The following KANK1 variants were observed in gnomAD, a reference collection of about 807,000 sequenced individuals.
KANK1 encodes KN motif and ankyrin repeat domains 1, also known as KN motif and ankyrin repeat domain-containing protein 1.
In KANK1, 109 loss-of-function variants were observed where a neutral mutation model predicts 106.2. The observed-to-expected ratio is 1.03, with a 90% CI of 0.88 to 1.20. The LOEUF (loss-of-function observed/expected upper bound fraction) is 1.20, where lower values mean the gene tolerates loss of function less well. KANK1 is among the 50% of genes most tolerant of loss of function. The probability of loss-of-function intolerance (pLI) is 0.00; values close to 1 mark genes in which losing one functional copy is unlikely to be tolerated. For synonymous variants in KANK1, 873 were observed against 652.2 expected (o/e 1.34, Z -5.16); for missense variants, 2,399 against 1,710.7 (o/e 1.40, Z -7.10).
At chr9:607,649 G>C (rs927612949) in intron 1 of KANK1, among the ~76,000 whole-genome samples, 1 of 151,634 alleles carries the variant, frequency 6.6e-6, no homozygotes, top group African/African-American at 2.4e-5. Flanking sequence ...AGTCCAGGAC[G>C]GCTAGCCTTG....
At chr9:556,524 A>G (rs753215875) in intron 1 of KANK1, among the ~76,000 whole-genome samples, 3 of 152,224 alleles carry the variant, frequency 2.0e-5, no homozygotes, top group Non-Finnish European at 4.4e-5. Context: ...TGAAACTAAA[A>G]TTTGAGGAAT....
At chr9:628,169 T>C (rs577421135) in intron 1 of KANK1, among the ~76,000 whole-genome samples, 15 of 152,296 alleles carry the variant, frequency 9.8e-5, no homozygotes, top group African/African-American at 3.6e-4. Flanking sequence ...ACTCTTGAAG[T>C]CCGAAAACAA....
chr9:744,257 A>G (rs560481438), intron 10 of KANK1, among the ~76,000 whole-genome samples: 5 of 152,326 alleles, frequency 3.3e-5, no homozygotes, highest in African/African-American at 1.2e-4. Flanking sequence ...AGAATGGTTG[A>G]GTAAGATAAT....
intron 1 of KANK1, among the ~76,000 whole-genome samples, chr9:579,248 T>C (rs925501780): frequency 1.5e-4 from 22 of 151,540 alleles, no homozygotes; most frequent in African/African-American, 5.3e-4. Flanking sequence ...TGGGCTCCCG[T>C]AGCACAGCTG....
chr9:721,182 T>C (rs2131326116), intron 3 of KANK1, among the ~76,000 whole-genome samples: 1 of 152,316 alleles, frequency 6.6e-6, no homozygotes, highest in East Asian at 1.9e-4. Context: ...TTGGAAAAAC[T>C]GACCTCCCTC....
At chr9:667,747 GT>G (rs200088017) in intron 1 of KANK1, among the ~76,000 whole-genome samples, 12 of 134,002 alleles carry the variant, frequency 9.0e-5, no homozygotes, top group South Asian at 2.3e-4. Flanking sequence ...TTTTTGTTTT[GT>G]TTTTTTTTTT....
intron 1 of KANK1, among the ~76,000 whole-genome samples, chr9:608,083 T>C (rs2136063654): frequency 7.0e-6 from 1 of 141,944 alleles, no homozygotes; most frequent in East Asian, 2.0e-4. Flanking sequence ...CAGGCCGGAC[T>C]GCGGACTGCA....
At position 712,950 on chromosome 9, in the gene KANK1, C is replaced by G; in HGVS notation, c.2184C>G (p.Asn728Lys). Residue 728 changes from asparagine (N) to lysine (K), a missense_variant, in exon 3 of 12, where the codon AAC (asparagine) becomes AAG (lysine). Physicochemically the swap from Asn to Lys is moderately conservative, Grantham distance 94. Coordinates refer to ENST00000382297, the MANE Select transcript of KANK1 (RefSeq NM_015158.5). ...GAGAAGGCCGTGTCAAGGACATCAA[C>G]TCCTCCACCAAGACGCGGTCCATTG... ...AVGEGRVKDI[N>K]SSTKTRSIGV... 2 of 1,614,228 alleles carry G rather than the reference C, an allele frequency of 1.2e-6. No homozygotes were observed. The highest frequency in any genetic ancestry group is 1.7e-6 in the Non-Finnish European group (2 of 1,180,044).
intron 1 of KANK1, among the ~76,000 whole-genome samples, chr9:538,595 C>G (rs746182912): frequency 2.0e-5 from 3 of 152,180 alleles, no homozygotes. Flanking sequence ...GAGGTTCCTT[C>G]AAACAGGTGG....
In KANK1 at chr9:734,801, T is replaced by C. The variant is rs1416304998; in HGVS notation, c.3299T>C (p.Ile1100Thr). Residue 1100 changes from isoleucine (I) to threonine (T), a missense_variant, in exon 7 of 12, where the codon ATA becomes ACA. By Grantham distance (89) the Ile-to-Thr change is moderately conservative. Coordinates refer to ENST00000382297, the MANE Select transcript of KANK1 (RefSeq NM_015158.5). The part of the protein sequence containing the change: ...LSACNLLKNT[I>T]NDPKALTSKD... ...GCATGCAACTTACTGAAAAATACTA[T>C]AAATGACCCCAAAGCTTTGACCAGC... 1 of 1,613,902 alleles carries C rather than the reference T, an allele frequency of 6.2e-7. No homozygotes were observed. Among genetic ancestry groups the C allele is most frequent in the Non-Finnish European group, 8.5e-7 (1 of 1,179,724 alleles).
At chr9:661,254 C>G (rs1843237825) in intron 1 of KANK1, among the ~76,000 whole-genome samples, 1 of 151,572 alleles carries the variant, frequency 6.6e-6, no homozygotes, top group Non-Finnish European at 1.5e-5. Context: ...AGGTATTTCT[C>G]TTAATGCTAT....
At chr9:488,714 C>G (rs968933800) in intron 3 of KANK1, among the ~76,000 whole-genome samples, 6 of 152,134 alleles carry the variant, frequency 3.9e-5, no homozygotes, top group African/African-American at 1.4e-4. Flanking sequence ...ATGACTGTCA[C>G]TTTGATTTGG....
chr9:674,286 G>A (rs1402700729), intron 1 of KANK1: 1 of 151,924 alleles, frequency 6.6e-6, no homozygotes, highest in Admixed American at 6.6e-5. Context: ...TCAGCAGGGA[G>A]TGGATGGTTT....
At chr9:710,782 T>C (rs1564031582) in intron 2 of KANK1, 22 bp from the exon 3 acceptor site, 4 of 1,548,680 alleles carry the variant, frequency 2.6e-6, no homozygotes, top group Non-Finnish European at 3.5e-6. Context: ...GTCATTATAA[T>C]ATTCTTTTCT....
At chr9:604,676 C>G (rs1421809938) in intron 1 of KANK1, among the ~76,000 whole-genome samples, 1 of 151,592 alleles carries the variant, frequency 6.6e-6, no homozygotes, top group African/African-American at 2.4e-5. Context: ...ACTGAAAAAA[C>G]AAAAATTAGC....
chr9:700,821 C>T lies in KANK1; in HGVS notation c.38-9983C>T, dbSNP rs60858743. Among the ~76,000 whole-genome samples, 1,268 of 152,290 alleles carry T rather than the reference C, an allele frequency of 8.3e-3. 7 individuals are homozygous for T. Among genetic ancestry groups the T allele is most frequent in the African/African-American group, 0.028 (1,158 of 41,548 alleles). ...GTGGCACAGGGGTGTAATTATTTTT[C>T]ACAGCACCGTCAGTCAGTAACTGGG... is the stretch of plus-strand genomic sequence containing the variant. On this transcript the variant is annotated intron_variant, in intron 2 of 11. Transcript: ENST00000382297.
At chr9:524,435 A>G (rs1335034022) in intron 1 of KANK1, among the ~76,000 whole-genome samples, 1 of 151,670 alleles carries the variant, frequency 6.6e-6, no homozygotes, top group East Asian at 1.9e-4. Context: ...AGATTTGTTT[A>G]TCTTAGCTTA....
chr9:702,757 G>C (rs1823008022), intron 2 of KANK1, among the ~76,000 whole-genome samples: 1 of 152,014 alleles, frequency 6.6e-6, no homozygotes, highest in South Asian at 2.1e-4. Flanking sequence ...AACTTGCCCT[G>C]CTCCAGGATG....
chr9:528,805 AT>A (rs199519060), intron 1 of KANK1, among the ~76,000 whole-genome samples: 87 of 150,110 alleles, frequency 5.8e-4, no homozygotes, highest in African/African-American at 2.1e-3. Context: ...ATATGTCTCA[AT>A]TTTTTTTTCT....
Sources: allele counts gnomAD v4.1 joint callset (sites outside exome capture counted in the v4.1 genomes callset), GRCh38; gene constraint gnomAD v4.1.1; transcripts MANE v1.5; gene names NCBI Gene and HGNC (gene_info 2026-07-23, HGNC 2026-07-21).